The following RIPK1 variants were observed in gnomAD, a reference collection of about 807,000 sequenced individuals.
The protein encoded by RIPK1 is receptor-interacting serine/threonine-protein kinase 1.
In RIPK1, 27 loss-of-function variants were observed where a neutral mutation model predicts 62.4. The ratio of observed to expected loss-of-function variants is 0.43; its 90% CI spans 0.32 to 0.60. RIPK1 has a LOEUF of 0.60. RIPK1 is among the 20% of genes least tolerant of loss of function. The pLI is 0.07. For missense variants in RIPK1, 735 were observed against 831.0 expected, an observed-to-expected ratio of 0.88 and a Z score of 1.42; for synonymous variants, 287 against 303.2, an observed-to-expected ratio of 0.95 and a Z score of 0.55.
At chr6:3,087,757 T>TCTCCATCTC (rs1554114821) in intron 6 of RIPK1, among the ~76,000 whole-genome samples, 1 of 149,606 alleles carries the variant, frequency 6.7e-6, no homozygotes, top group African/African-American at 2.5e-5. Flanking sequence ...GCCAGGATGG[T>TCTCCATCTC]CTCCATCTCC....
At chr6:3,094,830 G>T (rs990151980) in intron 7 of RIPK1, among the ~76,000 whole-genome samples, 1 of 152,034 alleles carries the variant, frequency 6.6e-6, no homozygotes, top group East Asian at 1.9e-4. Flanking sequence ...GGGTGGCTGG[G>T]GTGAGAGGAT....
intron 1 of RIPK1, 39 bp from the exon 2 acceptor site, chr6:3,076,725 T>G (rs1003371350): frequency 4.1e-5 from 26 of 638,644 alleles, no homozygotes; most frequent in Non-Finnish European, 5.8e-5. Context: ...TATATATATA[T>G]AGTCTTGCCC....
chr6:3,086,177 C>T (rs371859341), intron 6 of RIPK1, among the ~76,000 whole-genome samples: 9 of 152,154 alleles, frequency 5.9e-5, no homozygotes, highest in East Asian at 1.9e-4. Context: ...GGATGTACCA[C>T]GGTTTGGTTA....
At chr6:3,070,495 T>A (rs1416909584) in intron 1 of RIPK1, among the ~76,000 whole-genome samples, 1 of 152,224 alleles carries the variant, frequency 6.6e-6, no homozygotes, top group Non-Finnish European at 1.5e-5. Flanking sequence ...TGGAGTGCAG[T>A]GGCGCGATCG....
chr6:3,089,624 A>C lies in RIPK1; in HGVS notation c.882A>C (p.Glu294Asp). 6.3e-7 allele frequency: 1 copy of C among 1,586,754 alleles called. No homozygotes were observed. The highest frequency in any genetic ancestry group is 8.6e-7 in the Non-Finnish European group (1 of 1,158,176). Residue 294 changes from glutamate to aspartate, a missense_variant, in exon 7 of 11, where the codon GAA becomes GAC. Around this residue, in one of 2 missense-constraint regions of RIPK1, gnomAD observed 671 missense variants for 726.2 expected, o/e 0.92. Coordinates refer to ENST00000259808, the MANE Select transcript of RIPK1 (RefSeq NM_001354930.2). Reference protein sequence around the residue: ...KFRPFYLSQLEESVEEDVKSL... With the variant: ...KFRPFYLSQLDESVEEDVKSL... ...GGCCTTTTTATTTAAGTCAATTAGA[A>C]GAAAGTGTAGAAGAGGACGTGAAGA...
At chr6:3,090,825 C>CCTACCTGCCGCACCTAGTAACCGCAGAGT (rs1581411327) in intron 7 of RIPK1, among the ~76,000 whole-genome samples, 1 of 84,940 alleles carries the variant, frequency 1.2e-5, no homozygotes, top group African/African-American at 5.8e-5. Flanking sequence ...AACCGCAGCG[C>CCTACCTGCCGCACCTAGTAACCGCAGAGT]ACCTACCTGC....
chr6:3,106,026 G>A lies in RIPK1; in HGVS notation c.1551G>A (p.Met517Ile). The A allele has an allele frequency of 3.1e-6, 5 of 1,609,480 alleles. No individual in the cohort carries two copies. In the South Asian group the frequency reaches 3.3e-5, roughly 11 times the overall value. ...ETNYLGNTPTMPFSSLPPTDE... is the reference protein window; with the variant it reads ...ETNYLGNTPTIPFSSLPPTDE... ...ACTATCTAGGAAATACACCCACCATGCCATTCAGCTCCTTGCCACCAACAG... is the reference window on the plus strand; with the variant it reads ...ACTATCTAGGAAATACACCCACCATACCATTCAGCTCCTTGCCACCAACAG... Residue 517 changes from methionine (M) to isoleucine (I), a missense_variant, in exon 9 of 11, where the codon ATG (methionine) becomes ATA (isoleucine). This residue lies in a region of RIPK1 where 671 missense variants were observed against 726.2 expected (regional missense o/e 0.92). Coordinates refer to ENST00000259808, the MANE Select transcript of RIPK1 (RefSeq NM_001354930.2).
chr6:3,076,719 T>TA, intron 1 of RIPK1, 45 bp from the exon 2 acceptor site: 2 of 501,184 alleles, frequency 4.0e-6, no homozygotes, highest in South Asian at 2.5e-5. Context: ...TATATATATA[T>TA]ATATATAGTC....
Position 3,077,920 on chromosome 6 carries a change from C to T in RIPK1, c.306C>T (p.His102=), listed in dbSNP as rs143110637. 17 of 1,613,920 alleles carry T rather than the reference C, an allele frequency of 1.1e-5. No homozygotes were observed. The highest frequency in any genetic ancestry group is 6.7e-5 in the African/African-American group (5 of 74,948). ...MEYMEKGNLM[H]VLKAEMSTPL... is the part of the protein sequence containing the mutation. ...ACATGGAGAAGGGCAACCTGATGCA[C>T]GTGCTGAAAGCCGAGGTAGAGAGGG... is the stretch of plus-strand genomic sequence containing the variant. Residue 102 remains histidine (H), a synonymous_variant, in exon 3 of 11, where the codon CAC becomes CAT. Transcript: ENST00000259808.
intron 7 of RIPK1, among the ~76,000 whole-genome samples, chr6:3,100,635 G>T (rs1760544526): frequency 6.6e-6 from 1 of 152,004 alleles, no homozygotes; most frequent in South Asian, 2.1e-4. Context: ...CTGTCACCCA[G>T]GCTGGAGTGC....
intron 10 of RIPK1, 55 bp downstream of exon 10, chr6:3,111,010 G>A: frequency 7.5e-7 from 1 of 1,324,952 alleles, no homozygotes; most frequent in Non-Finnish European, 1.0e-6. Context: ...TCTTACTTGT[G>A]AGAAGGACAT....
chr6:3,109,715 C>T (rs1761054934), intron 9 of RIPK1, among the ~76,000 whole-genome samples: 1 of 152,134 alleles, frequency 6.6e-6, no homozygotes, highest in South Asian at 2.1e-4. Flanking sequence ...GTTATGCAAC[C>T]ATCACCACCA....
Position 3,105,822 on chromosome 6 carries a change from G to A in RIPK1, c.1347G>A (p.Val449=). Residue 449 remains valine, a synonymous_variant, in exon 9 of 11, where the codon GTG becomes GTA. Coordinates refer to ENST00000259808, the MANE Select transcript of RIPK1 (RefSeq NM_001354930.2). This position sits in a 1 kb window ranked among gnomAD's most constrained non-coding sequence, Gnocchi z 4.5. ...GTGCAGCCAGTCATGGTAATGCAGTGCACCAGCCCTCAGGGCTCACCAGCC... is the reference window on the plus strand; with the variant it reads ...GTGCAGCCAGTCATGGTAATGCAGTACACCAGCCCTCAGGGCTCACCAGCC... ...YSSAASHGNA[V]HQPSGLTSQP... is the part of the protein sequence containing the mutation. The A allele has an allele frequency of 3.7e-6, 6 of 1,614,124 alleles. No homozygotes were observed. Among genetic ancestry groups the A allele is most frequent in the Non-Finnish European group, 5.1e-6 (6 of 1,179,970 alleles).
Position 3,072,465 on chromosome 6 carries a change from T to A in RIPK1, c.-61+3804T>A, listed in dbSNP as rs184207834. On this transcript the variant is annotated intron_variant, in intron 1 of 10. Coordinates refer to ENST00000259808, the MANE Select transcript of RIPK1 (RefSeq NM_001354930.2). This position sits in a 1 kb window ranked among gnomAD's most constrained non-coding sequence, Gnocchi z 5.6. ...TTTATTCGTCAAAAACAATTTTGAATGGCTATATAATATTCTGTTAGGAGT... is the reference window on the plus strand; with the variant it reads ...TTTATTCGTCAAAAACAATTTTGAAAGGCTATATAATATTCTGTTAGGAGT... Among the ~76,000 whole-genome samples, 214 of 152,324 alleles carry A rather than the reference T, an allele frequency of 1.4e-3. No homozygotes were observed. The highest frequency in any genetic ancestry group is 4.8e-3 in the African/African-American group (201 of 41,568).
chr6:3,109,181 A>T (rs1761027882), intron 9 of RIPK1, among the ~76,000 whole-genome samples: 1 of 152,186 alleles, frequency 6.6e-6, no homozygotes, highest in South Asian at 2.1e-4. Context: ...ATTCTAGTGG[A>T]GAAGTCAAAC....
Position 3,075,032 on chromosome 6 carries a change from C to T in RIPK1, c.-60-1732C>T, listed in dbSNP as rs137942141. ...ACATCCATAGCCCTCCTTTTACTCT[C>T]AAAGCAAAACACAGACACGCACATT... On this transcript the variant is annotated intron_variant, in intron 1 of 10. Transcript: ENST00000259808. Among the ~76,000 whole-genome samples, 3 of 152,350 alleles carry T rather than the reference C, an allele frequency of 2.0e-5. No individual in the cohort carries two copies. The East Asian group carries it at 5.8e-4, about 29-fold the overall frequency.
intron 1 of RIPK1, among the ~76,000 whole-genome samples, chr6:3,071,934 A>G (rs1161756909): frequency 2.0e-5 from 3 of 152,206 alleles, no homozygotes; most frequent in African/African-American, 7.2e-5. Context: ...TCAAAAGGGC[A>G]TTTTTCAGGG....
intron 4 of RIPK1, among the ~76,000 whole-genome samples, chr6:3,081,823 G>A (rs754489783): frequency 8.5e-6 from 1 of 117,172 alleles, no homozygotes; most frequent in East Asian, 3.0e-4. Context: ...TTGTGCCATC[G>A]CACTCCAGCC....
intron 7 of RIPK1, among the ~76,000 whole-genome samples, chr6:3,102,637 G>A (rs746965497): frequency 6.6e-6 from 1 of 152,146 alleles, no homozygotes; most frequent in Non-Finnish European, 1.5e-5. Flanking sequence ...GTCTCCCTCT[G>A]TTGCCCAGGC....
Sources: allele counts gnomAD v4.1 joint callset (sites outside exome capture counted in the v4.1 genomes callset), GRCh38; gene constraint gnomAD v4.1.1; regional missense constraint gnomAD v4.1.1; non-coding constraint Gnocchi (gnomAD v3.1); transcripts MANE v1.5; gene names NCBI Gene and HGNC (gene_info 2026-07-23, HGNC 2026-07-21).